The following LCP1 variants were observed in gnomAD, a reference collection of about 807,000 sequenced individuals.
The protein encoded by LCP1 is lymphocyte cytosolic protein 1.
In LCP1, 23 loss-of-function variants were observed where a neutral mutation model predicts 72.0. That is an observed-to-expected ratio of 0.32 (90% CI 0.23 to 0.45). LCP1 has a LOEUF of 0.45. Ranked by LOEUF, LCP1 falls within the 20% of genes least tolerant of loss-of-function variation. The pLI, the probability that LCP1 is intolerant of heterozygous loss-of-function variation, is 1.00. For synonymous variants in LCP1, 245 were observed against 275.4 expected, an observed-to-expected ratio of 0.89 and a Z score of 1.09; for missense variants, 571 against 748.3, an observed-to-expected ratio of 0.76 and a Z score of 2.76.
At chr13:46,141,628 G>A (rs1326085300) in intron 13 of LCP1, among the ~76,000 whole-genome samples, 2 of 151,898 alleles carry the variant, frequency 1.3e-5, no homozygotes, top group African/African-American at 4.8e-5. Flanking sequence ...TTAGAATTCT[G>A]CACTCAGAGA....
chr13:46,150,106 G>A (rs1013703083), intron 8 of LCP1, among the ~76,000 whole-genome samples: 5 of 152,202 alleles, frequency 3.3e-5, no homozygotes, highest in African/African-American at 1.2e-4. Context: ...ACAAGCCTAG[G>A]TGTACTCCTG....
rs760743450 is a variant in LCP1, at chr13:46,158,630, T to A, written c.250A>T (p.Thr84Ser). 1 of 1,614,226 alleles carries A rather than the reference T, an allele frequency of 6.2e-7. No individual in the cohort carries two copies. Among genetic ancestry groups the A allele is most frequent in the South Asian group, 1.1e-5 (1 of 91,086 alleles). Reference protein sequence around the residue: ...FIKIFHGLKSTDVAKTFRKAI... With the variant: ...FIKIFHGLKSSDVAKTFRKAI... ...TTTCTAAAGGTCTTGGCAACATCTG[T>A]GCTTTTTAGGCCATGGAAAATCTGC... is the stretch of plus-strand genomic sequence containing the variant. Residue 84 changes from threonine to serine, a missense_variant, in exon 4 of 16, where the codon ACA (threonine) becomes TCA (serine). Transcript: ENST00000323076.
intron 1 of LCP1, among the ~76,000 whole-genome samples, chr13:46,160,794 G>C (rs2045833482): frequency 6.6e-6 from 1 of 152,148 alleles, no homozygotes; most frequent in African/African-American, 2.4e-5. Flanking sequence ...GGTGCAGAGG[G>C]GATAAGTGGA....
intron 15 of LCP1, among the ~76,000 whole-genome samples, chr13:46,129,616 T>A (rs1191390071): frequency 6.6e-6 from 1 of 152,120 alleles, no homozygotes; most frequent in East Asian, 1.9e-4. Flanking sequence ...TTAAATTGTG[T>A]TAAACTTTGG....
chr13:46,180,704 A>G (rs1410644715), intron 1 of LCP1, among the ~76,000 whole-genome samples: 2 of 152,242 alleles, frequency 1.3e-5, no homozygotes, highest in Non-Finnish European at 2.9e-5. Context: ...AACTTTAAAC[A>G]GGGGACCTTT....
At chr13:46,153,836 T>A (rs1361268491) in intron 6 of LCP1, among the ~76,000 whole-genome samples, 1 of 152,194 alleles carries the variant, frequency 6.6e-6, no homozygotes, top group Non-Finnish European at 1.5e-5. Flanking sequence ...ACACACATAC[T>A]CATAGATTCT....
intron 14 of LCP1, among the ~76,000 whole-genome samples, chr13:46,132,849 A>G (rs2045642444): frequency 6.6e-6 from 1 of 152,102 alleles, no homozygotes; most frequent in Admixed American, 6.5e-5. Context: ...CTGCTTGTGG[A>G]AAGAGATTTT....
At chr13:46,164,359 T>C (rs1370564413) in intron 1 of LCP1, among the ~76,000 whole-genome samples, 1 of 152,176 alleles carries the variant, frequency 6.6e-6, no homozygotes, top group Non-Finnish European at 1.5e-5. Context: ...ACCATAAAAA[T>C]TGCAGTGGCC....
intron 1 of LCP1, among the ~76,000 whole-genome samples, chr13:46,166,844 A>T (rs1222618744): frequency 1.3e-5 from 2 of 152,208 alleles, no homozygotes; most frequent in Non-Finnish European, 2.9e-5. Flanking sequence ...TTGCGAATAT[A>T]TGGAATTTAC....
intron 7 of LCP1, among the ~76,000 whole-genome samples, chr13:46,152,072 A>G (rs930620416): frequency 1.3e-5 from 2 of 152,204 alleles, no homozygotes; most frequent in South Asian, 2.1e-4. Flanking sequence ...ATGTTTTGGT[A>G]TACTTATCTT....
At chr13:46,143,497 G>C in intron 11 of LCP1, 93 bp from the exon 12 acceptor site, 1 of 798,322 alleles carries the variant, frequency 1.3e-6, no homozygotes, top group East Asian at 2.5e-5. Flanking sequence ...TTAGTTCAAA[G>C]AATATTCACA....
At chr13:46,161,230 C>T (rs2045836535) in intron 1 of LCP1, among the ~76,000 whole-genome samples, 1 of 152,054 alleles carries the variant, frequency 6.6e-6, no homozygotes, top group Middle Eastern at 3.2e-3. Flanking sequence ...CCAAATGTAC[C>T]CCTGCCCCTG....
At chr13:46,143,768 T>G (rs2045712499) in intron 11 of LCP1, among the ~76,000 whole-genome samples, 1 of 152,192 alleles carries the variant, frequency 6.6e-6, no homozygotes, top group South Asian at 2.1e-4. Flanking sequence ...ACTAAATAAA[T>G]GTAAAAGAAA....
At chr13:46,162,906 G>A (rs1439435625) in intron 1 of LCP1, among the ~76,000 whole-genome samples, 2 of 149,908 alleles carry the variant, frequency 1.3e-5, no homozygotes, top group Non-Finnish European at 2.9e-5. Flanking sequence ...CCCTCCGCCC[G>A]GCAGCCGCCC....
intron 1 of LCP1, among the ~76,000 whole-genome samples, chr13:46,175,508 T>C (rs542224624): frequency 6.6e-6 from 1 of 152,166 alleles, no homozygotes; most frequent in Non-Finnish European, 1.5e-5. Context: ...GACACTCAGC[T>C]TTAAAGAACT....
At chr13:46,133,520 G>A (rs1246015678) in intron 14 of LCP1, among the ~76,000 whole-genome samples, 2 of 152,098 alleles carry the variant, frequency 1.3e-5, no homozygotes, top group Non-Finnish European at 2.9e-5. Flanking sequence ...CAGCTCCTCA[G>A]GAGGCTGAGG....
At position 46,174,453 on chromosome 13, in the gene LCP1, C is replaced by A. The variant is rs531978419; in HGVS notation, c.-25+7658G>T. ...AGCTATTATTTTAAAGACTTCCCAC[C>A]ATAAAATCCTCAAGCATTTATATTT... On this transcript the variant is annotated intron_variant, in intron 1 of 15. Coordinates refer to ENST00000323076, the MANE Select transcript of LCP1 (RefSeq NM_002298.5). 1.8e-4 allele frequency among the ~76,000 whole-genome samples: 28 copies of A among 152,208 alleles called. No homozygotes were observed. In the South Asian group the frequency reaches 5.8e-3, roughly 32 times the overall value.
intron 1 of LCP1, among the ~76,000 whole-genome samples, chr13:46,163,633 TAAAAAA>T (rs575609187): frequency 1.8e-5 from 2 of 109,238 alleles, no homozygotes; most frequent in African/African-American, 6.4e-5. Context: ...AATGATCAAT[TAAAAAA>T]AAAAAAAAAA....
At chr13:46,151,129 G>C (rs774502004) in intron 7 of LCP1, 51 bp from the exon 8 acceptor site, 2 of 1,560,978 alleles carry the variant, frequency 1.3e-6, no homozygotes, top group Admixed American at 4.3e-5. Context: ...TGTTGGGGGA[G>C]GGGGGTTGGT....
Sources: allele counts gnomAD v4.1 joint callset (sites outside exome capture counted in the v4.1 genomes callset), GRCh38; gene constraint gnomAD v4.1.1; transcripts MANE v1.5; gene names NCBI Gene and HGNC (gene_info 2026-07-23, HGNC 2026-07-21).